The following SLC2A13 variants were observed in gnomAD, a reference collection of about 807,000 sequenced individuals.
The protein encoded by SLC2A13 is proton myo-inositol cotransporter.
SLC2A13 carries 32 observed loss-of-function variants against 64.4 expected under a neutral mutation model. That is an observed-to-expected ratio of 0.50 (90% confidence interval 0.37 to 0.67). SLC2A13 has a LOEUF of 0.67. Ranked by LOEUF, SLC2A13 falls within the 30% of genes least tolerant of loss-of-function variation. The pLI, the probability that SLC2A13 is intolerant of heterozygous loss-of-function variation, is 0.00. For synonymous variants in SLC2A13, 338 were observed against 327.1 expected (o/e 1.03, Z -0.36); for missense variants, 743 against 829.2 (o/e 0.90, Z 1.28).
intron 4 of SLC2A13, among the ~76,000 whole-genome samples, chr12:39,894,920 T>C (rs1272607822): frequency 6.6e-6 from 1 of 152,224 alleles, no homozygotes; most frequent in Non-Finnish European, 1.5e-5. Context: ...GAATTGTCTT[T>C]AATTAATGCT....
At chr12:39,850,320 G>T (rs1437658808) in intron 6 of SLC2A13, among the ~76,000 whole-genome samples, 1 of 152,110 alleles carries the variant, frequency 6.6e-6, no homozygotes, top group Non-Finnish European at 1.5e-5. Context: ...GCAGCCTCCG[G>T]ATATTAAAAA....
intron 1 of SLC2A13, among the ~76,000 whole-genome samples, chr12:40,099,446 TAGC>T (rs1288058446): frequency 6.6e-6 from 1 of 152,254 alleles, no homozygotes; most frequent in Non-Finnish European, 1.5e-5. Flanking sequence ...TCAGTTCTCT[TAGC>T]AGTTTCTACA....
intron 4 of SLC2A13, among the ~76,000 whole-genome samples, chr12:39,882,894 T>A (rs1320899462): frequency 1.3e-5 from 2 of 152,220 alleles, no homozygotes; most frequent in Non-Finnish European, 2.9e-5. Flanking sequence ...TACATCATAT[T>A]TCTATTTCTA....
intron 3 of SLC2A13, among the ~76,000 whole-genome samples, chr12:39,970,773 T>C (rs1411816696): frequency 6.6e-6 from 1 of 152,244 alleles, no homozygotes; most frequent in Non-Finnish European, 1.5e-5. Context: ...AGTAACTTTG[T>C]AAGTTGCATT....
At chr12:39,784,635 T>G (rs1202359888) in intron 7 of SLC2A13, among the ~76,000 whole-genome samples, 2 of 152,172 alleles carry the variant, frequency 1.3e-5, no homozygotes. Context: ...GAAGAAAATC[T>G]AGGCAATACC....
intron 6 of SLC2A13, among the ~76,000 whole-genome samples, chr12:39,844,156 C>T (rs1387874493): frequency 6.6e-6 from 1 of 152,054 alleles, no homozygotes; most frequent in African/African-American, 2.4e-5. Flanking sequence ...ACACACATGC[C>T]TCCTTCCAAT....
At chr12:39,957,755 T>C (rs28370607) in intron 3 of SLC2A13, among the ~76,000 whole-genome samples, 13,840 of 152,214 alleles carry the variant, frequency 0.091, 830 homozygotes, top group Admixed American at 0.15. Context: ...GCATTCCTCC[T>C]CCTTGGACTT....
At chr12:40,060,962 G>T (rs1339668875) in intron 1 of SLC2A13, among the ~76,000 whole-genome samples, 1 of 152,120 alleles carries the variant, frequency 6.6e-6, no homozygotes, top group Non-Finnish European at 1.5e-5. Flanking sequence ...GAAGGTTAAA[G>T]AAAGTTAATG....
At chr12:39,862,017 G>GCT (rs2135920355) in intron 6 of SLC2A13, among the ~76,000 whole-genome samples, 1 of 152,248 alleles carries the variant, frequency 6.6e-6, no homozygotes, top group South Asian at 2.1e-4. Context: ...TTATCCAAAA[G>GCT]CTCTCCCTTC....
intron 3 of SLC2A13, among the ~76,000 whole-genome samples, chr12:39,954,018 T>C (rs1451380169): frequency 6.6e-6 from 1 of 152,228 alleles, no homozygotes; most frequent in Admixed American, 6.5e-5. Flanking sequence ...CTCTTGACTT[T>C]CATTTCCAGC....
At chr12:40,018,561 T>A (rs930412635) in intron 3 of SLC2A13, among the ~76,000 whole-genome samples, 5 of 152,238 alleles carry the variant, frequency 3.3e-5, no homozygotes, top group African/African-American at 9.6e-5. Context: ...GAAGAAATGC[T>A]TAAGCACTTT....
chr12:40,075,063 A>G (rs1938118220), intron 1 of SLC2A13, among the ~76,000 whole-genome samples: 1 of 152,166 alleles, frequency 6.6e-6, no homozygotes, highest in Non-Finnish European at 1.5e-5. Flanking sequence ...ACCTCATTTA[A>G]AAACAAAACA....
rs533764382 is a variant in SLC2A13, at chr12:39,958,113, G to C, written c.926-6748C>G. ...AATTTCAAAGTAAATCAAGATTCAT[G>C]GCTTTTGAGTGCTCCTTCTCTCTTC... On this transcript the variant is annotated intron_variant, in intron 3 of 9. Coordinates refer to ENST00000280871, the MANE Select transcript of SLC2A13 (RefSeq NM_052885.4). Among the ~76,000 whole-genome samples the C allele has an allele frequency of 2.6e-5, 4 of 152,248 alleles. No individual in the cohort carries two copies. In the South Asian group the frequency reaches 8.3e-4, roughly 32 times the overall value.
rs763806571 is a variant in SLC2A13 at position 39,830,212 on chromosome 12, T to C, written c.1336A>G (p.Met446Val). The C allele has an allele frequency of 3.1e-6, 5 of 1,613,102 alleles. No homozygotes were observed. The highest frequency in any genetic ancestry group is 3.4e-6 in the Non-Finnish European group (4 of 1,179,394). ...CTRYSYCNEC[M>V]LDPDCGFCYK... ...CAGAAACCGCAGTCTGGATCCAACA[T>C]ACATTCATTACAGTAACTGAAAAAT... The change falls in exon 7 of 10, where the codon ATG becomes GTG. Residue 446 changes from methionine to valine, a missense_variant. Met to Val is a conservative substitution (Grantham distance 21). Transcript: ENST00000280871.
chr12:39,996,264 T>G (rs1947228212), intron 3 of SLC2A13, among the ~76,000 whole-genome samples: 1 of 152,162 alleles, frequency 6.6e-6, no homozygotes, highest in Admixed American at 6.5e-5. Flanking sequence ...GAGAGATGAT[T>G]TGTGGTATCT....
rs1565567378 is a variant in SLC2A13, at chr12:39,968,802, A to ATATATATATC, written c.926-17438_926-17437insGATATATATA. Among the ~76,000 whole-genome samples, 13 of 130,384 alleles carry ATATATATATC rather than the reference A, an allele frequency of 1.0e-4. 1 individual carries two copies. The highest frequency in any genetic ancestry group is 4.2e-4 in the African/African-American group (13 of 30,858). The allele number at this position is 130,384 out of a possible 152,430, so 85.5% of individuals were successfully genotyped here. A position where few individuals can be genotyped will look rare whatever the true frequency, so the allele number is the denominator to read the frequency against. On this transcript the variant is annotated intron_variant, in intron 3 of 9. Coordinates refer to ENST00000280871, the MANE Select transcript of SLC2A13 (RefSeq NM_052885.4). ...TATATATATATATATATATATATAT[A>ATATATATATC]TATATCTACATTATAATTTAAGTTC... is the stretch of plus-strand genomic sequence containing the variant.
chr12:39,811,232 T>C (rs2135805254), intron 7 of SLC2A13, among the ~76,000 whole-genome samples: 1 of 152,212 alleles, frequency 6.6e-6, no homozygotes, highest in East Asian at 1.9e-4. Flanking sequence ...TGACTTAATC[T>C]GCTTTTTATT....
chr12:39,777,858 G>A (rs1398172355), intron 7 of SLC2A13, among the ~76,000 whole-genome samples: 1 of 152,182 alleles, frequency 6.6e-6, no homozygotes, highest in East Asian at 1.9e-4. Flanking sequence ...CCAAGTCCAC[G>A]TGTGATCTGA....
At chr12:40,055,628 A>G (rs1045819073) in intron 1 of SLC2A13, among the ~76,000 whole-genome samples, 3 of 152,214 alleles carry the variant, frequency 2.0e-5, no homozygotes, top group Non-Finnish European at 4.4e-5. Flanking sequence ...ACAAAACTAT[A>G]TTCTTTTAAA....
Sources: allele counts gnomAD v4.1 joint callset (sites outside exome capture counted in the v4.1 genomes callset), GRCh38; gene constraint gnomAD v4.1.1; transcripts MANE v1.5; gene names NCBI Gene and HGNC (gene_info 2026-07-23, HGNC 2026-07-21).